Variants in NR2F1-AS1 observed in about 807,000 individuals in gnomAD.
NR2F1-AS1 encodes NR2F1 regulatory antisense RNA 1, also known as NR2F1 antisense RNA 1.
At chr5:93,446,850 CAG>C (rs1490256378) in intron 4 of NR2F1-AS1, among the ~76,000 whole-genome samples, 6 of 152,146 alleles carry the variant, frequency 3.9e-5, no homozygotes, top group Non-Finnish European at 7.3e-5. Context: ...GGTACCAAAA[CAG>C]AGATACAGAC....
At chr5:93,522,759 C>A (rs1272603714) in intron 4 of NR2F1-AS1, among the ~76,000 whole-genome samples, 3 of 150,600 alleles carry the variant, frequency 2.0e-5, no homozygotes, top group Non-Finnish European at 4.4e-5. Flanking sequence ...GAACTCCCTC[C>A]CCTAGCCAAG....
rs77448570 is a variant in NR2F1-AS1 at position 93,499,287 on chromosome 5, C to G, written n.638+54474G>C. ...GCATATCTCACTTTACTGTGCTTCA[C>G]TTTACTGAGCTTTACAGATACTGCT... is the stretch of plus-strand genomic sequence containing the variant. On this transcript the variant is annotated intron_variant and non_coding_transcript_variant, in intron 4 of 5. Transcript: ENST00000660523. 7.9e-5 allele frequency among the ~76,000 whole-genome samples: 12 copies of G among 152,296 alleles called. No homozygotes were observed. In the East Asian group the frequency reaches 2.3e-3, roughly 29 times the overall value.
chr5:93,544,502 C>G (rs1014375968), intron 4 of NR2F1-AS1, among the ~76,000 whole-genome samples: 3 of 152,050 alleles, frequency 2.0e-5, no homozygotes, highest in African/African-American at 7.3e-5. Context: ...ATTTTTGAGT[C>G]CCCAGGCAGC....
chr5:93,504,223 T>A (rs1751140496), intron 4 of NR2F1-AS1, among the ~76,000 whole-genome samples: 1 of 152,198 alleles, frequency 6.6e-6, no homozygotes, highest in Admixed American at 6.5e-5. Flanking sequence ...GTTGTATAAG[T>A]CCATGTCATT....
chr5:93,443,828 C>T (rs1312607211), intron 4 of NR2F1-AS1, among the ~76,000 whole-genome samples: 42 of 152,206 alleles, frequency 2.8e-4, no homozygotes. Flanking sequence ...CAAAGGCAAG[C>T]CCATCAGACT....
chr5:93,534,337 A>C (rs1011920267), intron 4 of NR2F1-AS1, among the ~76,000 whole-genome samples: 2 of 152,190 alleles, frequency 1.3e-5, no homozygotes, highest in African/African-American at 4.8e-5. Flanking sequence ...ATGCCAATAC[A>C]TGTGTTCTAA....
intron 4 of NR2F1-AS1, among the ~76,000 whole-genome samples, chr5:93,457,092 C>T (rs571917238): frequency 6.6e-6 from 1 of 152,244 alleles, no homozygotes; most frequent in African/African-American, 2.4e-5. Context: ...GAGACAGATG[C>T]CTTCCTCTTA....
chr5:93,526,430 G>T (rs2149898086), intron 4 of NR2F1-AS1, among the ~76,000 whole-genome samples: 1 of 152,276 alleles, frequency 6.6e-6, no homozygotes, highest in East Asian at 1.9e-4. Flanking sequence ...AGAGGATCTG[G>T]TACCATTCCT....
rs550417189 is a variant in NR2F1-AS1 at position 93,501,574 on chromosome 5, G to A, written n.638+52187C>T. 9.7e-4 allele frequency among the ~76,000 whole-genome samples: 148 copies of A among 151,896 alleles called. 1 individual carries two copies. The highest frequency in any genetic ancestry group is 6.8e-3 in the Middle Eastern group (2 of 294). On this transcript the variant is annotated intron_variant and non_coding_transcript_variant, in intron 4 of 5. Transcript: ENST00000660523. ...TCACTATGTTGTCCAGGCTGGTCTC[G>A]AACTCCTGACCTCAAGTGATCCACC...
rs138817898 is a variant in NR2F1-AS1, at chr5:93,430,861, TATCATC to T, written n.639-35325_639-35320del. 2.3e-4 allele frequency among the ~76,000 whole-genome samples: 35 copies of T among 149,640 alleles called. No homozygotes were observed. In the Middle Eastern group the frequency reaches 0.014, roughly 58 times the overall value. ...TGTGTTGTCACTGTCTCCCTTGCTT[TATCATC>T]ATCATCATCATCATCATCATCATCA... On this transcript the variant is annotated intron_variant and non_coding_transcript_variant, in intron 4 of 5. Transcript: ENST00000660523.
chr5:93,551,731 G>C (rs1752234975), intron 4 of NR2F1-AS1, among the ~76,000 whole-genome samples: 1 of 152,050 alleles, frequency 6.6e-6, no homozygotes, highest in Non-Finnish European at 1.5e-5. Flanking sequence ...GAAAGTAATA[G>C]AGTTCTTAAG....
At chr5:93,509,334 A>G (rs1009631772) in intron 4 of NR2F1-AS1, among the ~76,000 whole-genome samples, 1 of 152,126 alleles carries the variant, frequency 6.6e-6, no homozygotes, top group Non-Finnish European at 1.5e-5. Flanking sequence ...TGTCTAATAC[A>G]GCAGCCTCTA....
At chr5:93,553,126 CTTTTTTTTTT>C (rs759720424) in intron 4 of NR2F1-AS1, among the ~76,000 whole-genome samples, 5 of 133,768 alleles carry the variant, frequency 3.7e-5, no homozygotes, top group African/African-American at 1.4e-4. Context: ...CAGTAATACA[CTTTTTTTTTT>C]TTTTTTTTTT....
intron 4 of NR2F1-AS1, among the ~76,000 whole-genome samples, chr5:93,492,643 A>G (rs1750875575): frequency 6.6e-6 from 1 of 152,192 alleles, no homozygotes; most frequent in African/African-American, 2.4e-5. Flanking sequence ...GCAACAAAAT[A>G]CTGGCAAACC....
At chr5:93,557,320 T>C (rs1024202183) in intron 2 of NR2F1-AS1, among the ~76,000 whole-genome samples, 5 of 152,212 alleles carry the variant, frequency 3.3e-5, no homozygotes, top group African/African-American at 1.2e-4. Context: ...AGACCAGGAA[T>C]GGGCTCTGAA....
chr5:93,501,444 C>T (rs1483543600), intron 4 of NR2F1-AS1, among the ~76,000 whole-genome samples: 1 of 150,250 alleles, frequency 6.7e-6, no homozygotes, highest in Non-Finnish European at 1.5e-5. Flanking sequence ...ACCTCCGTGT[C>T]CTGGGTTCAA....
chr5:93,555,083 T>C (rs1174039069), intron 2 of NR2F1-AS1: 1 of 152,206 alleles, frequency 6.6e-6, no homozygotes, highest in Non-Finnish European at 1.5e-5. Context: ...GCAGCAAGCA[T>C]ATTCTCTTTA....
chr5:93,483,539 TCTC>T (rs1331748328), intron 4 of NR2F1-AS1, among the ~76,000 whole-genome samples: 5 of 152,030 alleles, frequency 3.3e-5, no homozygotes, highest in Non-Finnish European at 7.4e-5. Context: ...GAACGCCTCT[TCTC>T]CTCCAAAGGA....
At chr5:93,479,278 C>T (rs541593753) in intron 4 of NR2F1-AS1, among the ~76,000 whole-genome samples, 7 of 152,260 alleles carry the variant, frequency 4.6e-5, no homozygotes, top group African/African-American at 1.7e-4. Context: ...GGGGCCAGTA[C>T]AGAGATGGTT....
Sources: gnomAD v4.1 joint callset for allele counts (sites outside exome capture counted in the v4.1 genomes callset) on GRCh38, gnomAD v4.1.1 for gene constraint, MANE v1.5 for transcripts, NCBI Gene and HGNC (gene_info 2026-07-23, HGNC 2026-07-21) for gene names.